PLEKHG1: variants seen among roughly 807,000 people sequenced by gnomAD.
The protein encoded by PLEKHG1 is pleckstrin homology domain-containing family G member 1.
Under a neutral mutation model 100.8 loss-of-function variants are expected in PLEKHG1, and 44 were observed. The ratio of observed to expected loss-of-function variants is 0.44; its 90% CI spans 0.34 to 0.56. The LOEUF (loss-of-function observed/expected upper bound fraction) is 0.56, where lower values mean the gene tolerates loss of function less well. PLEKHG1 is among the 20% of genes least tolerant of loss of function. The probability of loss-of-function intolerance (pLI) is 0.01; values close to 1 mark genes in which losing one functional copy is unlikely to be tolerated. For missense variants in PLEKHG1, 1,545 were observed against 1,720.9 expected, an observed-to-expected ratio of 0.90 and a Z score of 1.81; for synonymous variants, 640 against 662.5, an observed-to-expected ratio of 0.97 and a Z score of 0.52.
At chr6:150,612,882 G>A (rs960722474) in intron 1 of PLEKHG1, among the ~76,000 whole-genome samples, 5 of 152,138 alleles carry the variant, frequency 3.3e-5, no homozygotes, top group African/African-American at 1.2e-4. Context: ...TATTGCAGTA[G>A]GCTCCTAACT....
At chr6:150,825,995 A>G (rs1049379710) in intron 14 of PLEKHG1, among the ~76,000 whole-genome samples, 7 of 152,206 alleles carry the variant, frequency 4.6e-5, no homozygotes, top group South Asian at 4.2e-4. Context: ...CCTGGCCAAC[A>G]TGGTGAAACC....
chr6:150,679,289 T>TTATTGTTAATATTTATATTA (rs1779860074), intron 3 of PLEKHG1, among the ~76,000 whole-genome samples: 1 of 152,190 alleles, frequency 6.6e-6, no homozygotes, highest in Non-Finnish European at 1.5e-5. Context: ...AATATTAAGC[T>TTATTGTTAATATTTATATTA]CCAAAGAGAT....
intron 3 of PLEKHG1, among the ~76,000 whole-genome samples, chr6:150,688,414 G>A (rs1582945679): frequency 6.6e-6 from 1 of 151,950 alleles, no homozygotes; most frequent in African/African-American, 2.4e-5. Flanking sequence ...TCCGCCTCCC[G>A]GGTTCAAGTG....
chr6:150,792,823 G>A (rs2128657259), intron 4 of PLEKHG1, among the ~76,000 whole-genome samples: 1 of 152,246 alleles, frequency 6.6e-6, no homozygotes, highest in African/African-American at 2.4e-5. Flanking sequence ...AGGAATAGGG[G>A]CTCCATGAAG....
At chr6:150,792,431 T>C (rs1036611040) in intron 4 of PLEKHG1, among the ~76,000 whole-genome samples, 1 of 150,592 alleles carries the variant, frequency 6.6e-6, no homozygotes, top group Admixed American at 6.6e-5. Flanking sequence ...CCCAACACTC[T>C]GGGAGGCCAA....
At chr6:150,652,182 TAA>T (rs1778773571) in intron 3 of PLEKHG1, among the ~76,000 whole-genome samples, 1 of 152,156 alleles carries the variant, frequency 6.6e-6, no homozygotes, top group African/African-American at 2.4e-5. Context: ...ACAATGACAC[TAA>T]AAGGGAAAGA....
chr6:150,683,506 G>T lies in PLEKHG1; in HGVS notation c.-99+32720G>T. The stretch of plus-strand genomic sequence containing the variant: ...GGTCCGGTGAAGGAAGCACGTGTGT[G>T]TGTGTGGAAGGGTGGCGCTGACCTC... On this transcript the variant is annotated intron_variant, in intron 3 of 3. Transcript: ENST00000367326. The surrounding 1 kb of genome is among the most constrained non-coding windows in gnomAD (Gnocchi z 4.0). The T allele has an allele frequency of 4.6e-6, 1 of 216,332 alleles. No individual in the cohort carries two copies. Among genetic ancestry groups the T allele is most frequent in the Non-Finnish European group, 9.4e-6 (1 of 106,796 alleles). The allele number at this position is 216,332 out of a possible 1,614,324, so 13.4% of individuals were successfully genotyped here. A position where few individuals can be genotyped will look rare whatever the true frequency, so the allele number is the denominator to read the frequency against.
At chr6:150,810,055 G>A (rs1330871406) in intron 10 of PLEKHG1, among the ~76,000 whole-genome samples, 2 of 152,002 alleles carry the variant, frequency 1.3e-5, no homozygotes, top group Non-Finnish European at 2.9e-5. Context: ...CAGCACGTTG[G>A]GAGGCCAAGG....
intron 6 of PLEKHG1, among the ~76,000 whole-genome samples, chr6:150,804,025 GT>G (rs1786863852): frequency 1.0e-5 from 1 of 97,818 alleles, no homozygotes; most frequent in Non-Finnish European, 1.8e-5. Context: ...ATTTTATCCT[GT>G]TTATCCTGGA....
chr6:150,778,898 C>G (rs1218150097), intron 3 of PLEKHG1, among the ~76,000 whole-genome samples: 1 of 152,178 alleles, frequency 6.6e-6, no homozygotes, highest in Non-Finnish European at 1.5e-5. Context: ...CCAGGTAACT[C>G]AAACAAGACT....
At chr6:150,800,608 T>A in intron 5 of PLEKHG1, 111 bp from the exon 7 acceptor site, 1 of 984,282 alleles carries the variant, frequency 1.0e-6, no homozygotes, top group Non-Finnish European at 1.5e-6. Flanking sequence ...TGACCACAGC[T>A]CTGGAGCTAC....
intron 2 of PLEKHG1, among the ~76,000 whole-genome samples, chr6:150,738,649 G>T (rs1051763303): frequency 1.3e-5 from 2 of 152,096 alleles, no homozygotes; most frequent in African/African-American, 4.8e-5. Context: ...AAATGTGGTG[G>T]TTCTTATTCC....
chr6:150,833,498 G>C (rs12665616), intron 15 of PLEKHG1, among the ~76,000 whole-genome samples: 5,045 of 152,336 alleles, frequency 0.033, 96 homozygotes, highest in South Asian at 0.055. Flanking sequence ...GATATTGTAG[G>C]ATCAGGACTA....
At chr6:150,804,155 T>TATATATATATATATATATATA (rs1554276213) in intron 6 of PLEKHG1, among the ~76,000 whole-genome samples, 9 of 30,270 alleles carry the variant, frequency 3.0e-4, no homozygotes, top group African/African-American at 1.1e-3. Flanking sequence ...TGTAAATATT[T>TATATATATATATATATATATA]TATATATATA....
chr6:150,700,591 C>T (rs1388711868), intron 3 of PLEKHG1, among the ~76,000 whole-genome samples: 3 of 152,158 alleles, frequency 2.0e-5, no homozygotes, highest in Non-Finnish European at 2.9e-5. Context: ...GTCACATATT[C>T]GAGATTCTCT....
chr6:150,763,547 C>T (rs1481566071), intron 2 of PLEKHG1, among the ~76,000 whole-genome samples: 2 of 152,192 alleles, frequency 1.3e-5, no homozygotes, highest in African/African-American at 4.8e-5. Flanking sequence ...TGCCTTTCAA[C>T]CTTTCATCTT....
At position 150,658,393 on chromosome 6, in the gene PLEKHG1, T is replaced by C. The variant is rs113505232; in HGVS notation, c.-99+7607T>C. 2.6e-3 allele frequency among the ~76,000 whole-genome samples: 391 copies of C among 152,274 alleles called. 2 individuals carry two copies. The highest frequency in any genetic ancestry group is 9.0e-3 in the African/African-American group (375 of 41,554). Reference sequence around the variant, plus strand: ...TAATATTCTTTGTCTTAAAAAAAAATGTGAGGCCTGGCTTCTTATAGTGTT... The same window carrying C: ...TAATATTCTTTGTCTTAAAAAAAAACGTGAGGCCTGGCTTCTTATAGTGTT... On this transcript the variant is annotated intron_variant, in intron 3 of 3. Transcript: ENST00000367326.
At chr6:150,722,443 TC>T (rs1343869733) in intron 1 of PLEKHG1, among the ~76,000 whole-genome samples, 1 of 146,530 alleles carries the variant, frequency 6.8e-6, no homozygotes, top group African/African-American at 2.5e-5. Context: ...AACCTCCACT[TC>T]CTGGGTTCAA....
intron 11 of PLEKHG1, among the ~76,000 whole-genome samples, chr6:150,818,944 G>A (rs1479216994): frequency 6.6e-6 from 1 of 152,026 alleles, no homozygotes. Context: ...TAACTCCCCA[G>A]GGGGAAAAGC....
Sources: allele counts gnomAD v4.1 joint callset (sites outside exome capture counted in the v4.1 genomes callset), GRCh38; gene constraint gnomAD v4.1.1; non-coding constraint Gnocchi (gnomAD v3.1); transcripts MANE v1.5; gene names NCBI Gene and HGNC (gene_info 2026-07-23, HGNC 2026-07-21).